Variants in GRM6 observed in about 807,000 individuals in gnomAD.
The protein encoded by GRM6 is metabotropic glutamate receptor 6.
GRM6 carries 73 observed loss-of-function variants against 78.4 expected under a neutral mutation model. That is an observed-to-expected ratio of 0.93 (90% CI 0.77 to 1.13). The LOEUF (loss-of-function observed/expected upper bound fraction) is 1.13, where lower values mean the gene tolerates loss of function less well. Ranked by LOEUF, GRM6 falls within the 50% of genes most tolerant of loss-of-function variation. GRM6 has a pLI of 0.00. For synonymous variants in GRM6, 580 were observed against 555.0 expected, an observed-to-expected ratio of 1.05 and a Z score of -0.63; for missense variants, 1,251 against 1,256.4, an observed-to-expected ratio of 1.00 and a Z score of 0.07.
At position 178,981,767 on chromosome 5, in the gene GRM6, C is replaced by T. The variant is rs201777089; in HGVS notation, c.2524G>A (p.Val842Ile). 8.4e-5 allele frequency: 135 copies of T among 1,613,314 alleles called. No individual in the cohort carries two copies. The highest frequency in any genetic ancestry group is 1.5e-4 in the African/African-American group (11 of 75,008). ...LGMLYVPKTY[V>I]ILFHPEQNVQ... ...TTCTGCTCTGGATGGAAGAGGATGA[C>T]GTAGGTTTTGGGTACGTAGAGCATG... is the stretch of plus-strand genomic sequence containing the variant. The change falls in exon 11 of 11, where the codon GTC becomes ATC. Residue 842 changes from valine (V) to isoleucine (I), a missense_variant. By Grantham distance (29) the Val-to-Ile change is conservative. Transcript: ENST00000517717. This position sits in a 1 kb window ranked among gnomAD's most constrained non-coding sequence, Gnocchi z 5.1.
rs757326094 is a variant in GRM6, at chr5:178,994,862, C to CGCGCCAGGCCCGCCT, written c.68_82dup (p.Gln23_Ala27dup). 1.7e-6 allele frequency: 2 copies of CGCGCCAGGCCCGCCT among 1,195,976 alleles called. No individual in the cohort carries two copies. Among genetic ancestry groups the CGCGCCAGGCCCGCCT allele is most frequent in the South Asian group, 3.3e-5 (1 of 30,282 alleles). The allele number at this position is 1,195,976 out of a possible 1,614,324, so 74.1% of individuals were successfully genotyped here. On this transcript the variant is annotated inframe_insertion, in exon 2 of 11. Coordinates refer to ENST00000517717, the MANE Select transcript of GRM6 (RefSeq NM_000843.4). ...CGCCAGGCGCACAGAGCCCGCCGCG[C>CGCGCCAGGCCCGCCT]GCGCCAGGCCCGCCTGCGCCAGCCA... is the stretch of plus-strand genomic sequence containing the variant.
rs1014434230 is a variant in GRM6, at chr5:178,988,323, G to C, written c.1354+612C>G. Among the ~76,000 whole-genome samples the C allele has an allele frequency of 1.3e-5, 2 of 152,218 alleles. No individual in the cohort carries two copies. Among genetic ancestry groups the C allele is most frequent in the African/African-American group, 4.8e-5 (2 of 41,458 alleles). ...ATTAAATGGAATTGATTAGCAGAGA[G>C]CATGGCGGAGAGAAGGTGGTGAGTG... On this transcript the variant is annotated intron_variant, in intron 7 of 10. Transcript: ENST00000517717. This position sits in a 1 kb window ranked among gnomAD's most constrained non-coding sequence, Gnocchi z 6.0.
In GRM6 at chr5:178,986,956, T is replaced by C. The variant is rs1581895289; in HGVS notation, c.1382A>G (p.Asn461Ser). The C allele has an allele frequency of 3.1e-6, 5 of 1,613,896 alleles. No homozygotes were observed. The highest frequency in any genetic ancestry group is 2.7e-5 in the African/African-American group (2 of 74,932). Residue 461 changes from asparagine (N) to serine (S), a missense_variant, in exon 8 of 11, where the codon AAC (asparagine) becomes AGC (serine). Physicochemically the swap from Asn to Ser is conservative, Grantham distance 46. Transcript: ENST00000517717. ...NGSAGTPVMF[N>S]ENGDAPGRYD... is the part of the protein sequence containing the mutation. ...CCGCCCGGGCGCATCTCCGTTCTCG[T>C]TGAACATCACAGGGGTTCCTGCGCT...
chr5:178,983,243 C>T (rs369624269), intron 9 of GRM6, 22 bp from the exon 10 acceptor site: 10 of 1,596,124 alleles, frequency 6.3e-6, no homozygotes, highest in Non-Finnish European at 8.6e-6. Context: ...AACACTGCAT[C>T]AGACACAGCA....
In GRM6 at chr5:178,992,455, G is replaced by A. The variant is rs1284272341; in HGVS notation, c.505-372C>T. On this transcript the variant is annotated intron_variant, in intron 2 of 10. Transcript: ENST00000517717. This position sits in a 1 kb window ranked among gnomAD's most constrained non-coding sequence, Gnocchi z 4.9. ...ATCTGCCTGTCCTAGTCAGGCCCAG[G>A]GCAAAGCACGTTTTCTTGATTCACA... The A allele has an allele frequency of 2.6e-6, 1 of 382,086 alleles. No homozygotes were observed. Among genetic ancestry groups the A allele is most frequent in the Admixed American group, 3.4e-5 (1 of 29,208 alleles). The allele number at this position is 382,086 out of a possible 1,614,324, so 23.7% of individuals were successfully genotyped here. A position where few individuals can be genotyped will look rare whatever the true frequency, so the allele number is the denominator to read the frequency against.
At chr5:178,993,391 T>C (rs1403500009) in intron 2 of GRM6, among the ~76,000 whole-genome samples, 2 of 152,074 alleles carry the variant, frequency 1.3e-5, no homozygotes, top group African/African-American at 4.8e-5. Context: ...GAAAAACCCC[T>C]GGGCGGCCGC....
In GRM6 at chr5:178,981,329, CA is replaced by C. The variant is rs1760390938; in HGVS notation, c.*327del. The C allele has an allele frequency of 3.3e-6, 1 of 300,686 alleles. No individual in the cohort carries two copies. The highest frequency in any genetic ancestry group is 6.3e-6 in the Non-Finnish European group (1 of 158,484). 18.6% of individuals were successfully genotyped at this position (300,686 alleles called of 1,614,324 possible). A position where few individuals can be genotyped will look rare whatever the true frequency, so the allele number is the denominator to read the frequency against. ...GGGAGGAAATCTCCCGCAAACCAGG[CA>C]AAGCCCAGGGCTTCATCATCCTCTT... On this transcript the variant is annotated 3_prime_UTR_variant, in exon 11 of 11. Coordinates refer to ENST00000517717, the MANE Select transcript of GRM6 (RefSeq NM_000843.4). This position sits in a 1 kb window ranked among gnomAD's most constrained non-coding sequence, Gnocchi z 5.1.
In GRM6 at chr5:178,990,158, C is replaced by T. The variant is rs546681404; in HGVS notation, c.1012+434G>A. On this transcript the variant is annotated intron_variant, in intron 5 of 10. Transcript: ENST00000517717. ...CCAGCCTTGGGGAAAATGAGCAATC[C>T]TATTGTAAAGTGAGCCATCTGTTCC... 20 of 252,302 alleles carry T rather than the reference C, an allele frequency of 7.9e-5. No homozygotes were observed. In the Admixed American group the frequency reaches 9.5e-4, roughly 12 times the overall value. The allele number at this position is 252,302 out of a possible 1,614,324, so 15.6% of individuals were successfully genotyped here.
In GRM6 at chr5:178,978,368, T is replaced by C. The variant is rs1455296843; in HGVS notation, c.*3289A>G. The C allele has an allele frequency of 2.0e-5, 3 of 151,702 alleles. No homozygotes were observed. The allele number at this position is 151,702 out of a possible 1,614,324, so 9.4% of individuals were successfully genotyped here. A position where few individuals can be genotyped will look rare whatever the true frequency, so the allele number is the denominator to read the frequency against. ...ATTTATTGAACAGGAAGTAACTGAA[T>C]AAAGTCAGTTACCTGGACTCTTTAC... On this transcript the variant is annotated 3_prime_UTR_variant, in exon 11 of 11. Transcript: ENST00000517717.
At position 178,986,291 on chromosome 5, in the gene GRM6, G is replaced by A; in HGVS notation, c.1963C>T (p.Leu655Phe). 1.9e-6 allele frequency: 3 copies of A among 1,614,044 alleles called. No individual in the cohort carries two copies. The highest frequency in any genetic ancestry group is 2.5e-6 in the Non-Finnish European group (3 of 1,179,984). The change falls in exon 9 of 11, where the codon CTC becomes TTC. Residue 655 changes from leucine to phenylalanine, a missense_variant. Physicochemically the swap from Leu to Phe is conservative, Grantham distance 22 (BLOSUM62 0). Coordinates refer to ENST00000517717, the MANE Select transcript of GRM6 (RefSeq NM_000843.4). ...AGGGTCGTGCCCAGGCCCAGGAAGAGCCTGCGGGCGGCACAGACCGCGGCC... is the reference window on the plus strand; with the variant it reads ...AGGGTCGTGCCCAGGCCCAGGAAGAACCTGCGGGCGGCACAGACCGCGGCC... Reference protein sequence around the residue: ...PGAAVCAARRLFLGLGTTLSY... With the variant: ...PGAAVCAARRFFLGLGTTLSY...
chr5:178,984,483 G>T (rs1470592551), intron 9 of GRM6, among the ~76,000 whole-genome samples: 4 of 152,184 alleles, frequency 2.6e-5, no homozygotes, highest in Admixed American at 2.0e-4. Context: ...TAGGCCAGTT[G>T]CAGGCTTGTG....
Position 178,987,095 on chromosome 5 carries a change from T to C in GRM6, c.1355-112A>G, listed in dbSNP as rs1760582485. The C allele has an allele frequency of 2.7e-6, 3 of 1,111,264 alleles. No homozygotes were observed. The Admixed American group carries it at 5.9e-5, about 22-fold the overall frequency. The allele number at this position is 1,111,264 out of a possible 1,614,324, so 68.8% of individuals were successfully genotyped here. A position where few individuals can be genotyped will look rare whatever the true frequency, so the allele number is the denominator to read the frequency against. ...GGAGGAGCTTAACAAGCATCACTGC[T>C]CATAAGGGACGTGCAAATCCAAGCC... On this transcript the variant is annotated intron_variant, in intron 7 of 10. Transcript: ENST00000517717.
rs189388277 is a variant in GRM6 at position 178,989,621 on chromosome 5, G to T, written c.1013-216C>A. ...GGCCAGGTGAGCTAGGCGTGGCCAGGTGACCAAGTTCTGATTGGTGGACTC... is the reference window on the plus strand; with the variant it reads ...GGCCAGGTGAGCTAGGCGTGGCCAGTTGACCAAGTTCTGATTGGTGGACTC... On this transcript the variant is annotated intron_variant, in intron 5 of 10. Coordinates refer to ENST00000517717, the MANE Select transcript of GRM6 (RefSeq NM_000843.4). The T allele has an allele frequency of 3.7e-3, 2,320 of 627,028 alleles. 5 individuals carry two copies. Among genetic ancestry groups the T allele is most frequent in the Non-Finnish European group, 4.6e-3 (1,601 of 350,648 alleles). The allele number at this position is 627,028 out of a possible 1,614,324, so 38.8% of individuals were successfully genotyped here.
In GRM6 at chr5:178,979,263, G is replaced by T. The variant is rs1033187000; in HGVS notation, c.*2394C>A. ...CGAAAAAATAAAATAATAACATAAA[G>T]AAATGATCACAGGCAGAAACTGTAT... is the stretch of plus-strand genomic sequence containing the variant. On this transcript the variant is annotated 3_prime_UTR_variant, in exon 11 of 11. Transcript: ENST00000517717. 1.3e-5 allele frequency: 2 copies of T among 152,158 alleles called. No homozygotes were observed. The highest frequency in any genetic ancestry group is 2.9e-5 in the Non-Finnish European group (2 of 68,036). 9.4% of individuals were successfully genotyped at this position (152,158 alleles called of 1,614,324 possible). A position where few individuals can be genotyped will look rare whatever the true frequency, so the allele number is the denominator to read the frequency against.
chr5:178,985,241 C>T, intron 9 of GRM6: 1 of 456,456 alleles, frequency 2.2e-6, no homozygotes, highest in South Asian at 1.6e-5. Flanking sequence ...TGTAGAAGAG[C>T]ATTTTGGTTT....
chr5:178,985,590 C>G (rs879020044), intron 9 of GRM6: 1 of 348,792 alleles, frequency 2.9e-6, no homozygotes, highest in South Asian at 2.2e-5. Context: ...GTAGTCCCAG[C>G]TACTCGGGAG....
chr5:178,985,447 T>C (rs966103608), intron 9 of GRM6, among the ~76,000 whole-genome samples: 2 of 150,730 alleles, frequency 1.3e-5, no homozygotes, highest in Non-Finnish European at 2.9e-5. Context: ...CTCCCGCCTG[T>C]CATCCCAGCA....
In GRM6 at chr5:178,978,652, G is replaced by A. The variant is rs576264179; in HGVS notation, c.*3005C>T. The A allele has an allele frequency of 3.3e-5, 5 of 152,284 alleles. No individual in the cohort carries two copies. In the South Asian group the frequency reaches 1.0e-3, roughly 32 times the overall value. 9.4% of individuals were successfully genotyped at this position (152,284 alleles called of 1,614,324 possible). On this transcript the variant is annotated 3_prime_UTR_variant, in exon 11 of 11. Transcript: ENST00000517717. ...AGCTCTCATCCCAGAGAGGAACACT[G>A]CAATTTTAATTGTGTAAACATGGAA...
In GRM6 at chr5:178,981,427, A is replaced by C; in HGVS notation, c.*230T>G. On this transcript the variant is annotated 3_prime_UTR_variant, in exon 11 of 11. Coordinates refer to ENST00000517717, the MANE Select transcript of GRM6 (RefSeq NM_000843.4). This position sits in a 1 kb window ranked among gnomAD's most constrained non-coding sequence, Gnocchi z 5.1. ...ACCTTCTCGGTGGCTGTTTCCCACC[A>C]TGGGAAGCGAGTCTGGTCTGTGGTG... The C allele has an allele frequency of 2.0e-6, 1 of 510,734 alleles. No individual in the cohort carries two copies. Among genetic ancestry groups the C allele is most frequent in the Non-Finnish European group, 3.5e-6 (1 of 284,222 alleles). The allele number at this position is 510,734 out of a possible 1,614,324, so 31.6% of individuals were successfully genotyped here.
Sources: gnomAD v4.1 joint callset for allele counts (sites outside exome capture counted in the v4.1 genomes callset) on GRCh38, gnomAD v4.1.1 for gene constraint, Gnocchi (gnomAD v3.1) non-coding constraint, MANE v1.5 for transcripts, NCBI Gene and HGNC (gene_info 2026-07-23, HGNC 2026-07-21) for gene names.